Variants in TPO observed in about 807,000 individuals in gnomAD.
TPO encodes thyroid peroxidase, also known as thyroid microsomal antigen.
TPO carries 78 observed loss-of-function variants against 96.9 expected under a neutral mutation model. That is an observed-to-expected ratio of 0.81 (90% confidence interval 0.67 to 0.97). The LOEUF (loss-of-function observed/expected upper bound fraction) is 0.97, where lower values mean the gene tolerates loss of function less well. TPO is among the 50% of genes least tolerant of loss of function. The pLI, the probability that TPO is intolerant of heterozygous loss-of-function variation, is 0.00. For missense variants in TPO, 1,252 were observed against 1,274.8 expected (o/e 0.98, Z 0.27); for synonymous variants, 547 against 538.0 (o/e 1.02, Z -0.23).
At chr2:1,389,286 G>T (rs1314920730) in intron 1 of TPO, among the ~76,000 whole-genome samples, 1 of 152,178 alleles carries the variant, frequency 6.6e-6, no homozygotes. Flanking sequence ...GCCAAGTCTA[G>T]TGAGATCTGG....
At chr2:1,391,109 C>A (rs969698582) in intron 1 of TPO, among the ~76,000 whole-genome samples, 2 of 152,184 alleles carry the variant, frequency 1.3e-5, no homozygotes, top group African/African-American at 4.8e-5. Flanking sequence ...CTTGCCCATG[C>A]CTATGTCCTG....
rs114460861 is a variant in TPO at position 1,460,905 on chromosome 2, C to T, written c.819+4623C>T. Among the ~76,000 whole-genome samples, 1,001 of 152,130 alleles carry T rather than the reference C, an allele frequency of 6.6e-3. 10 individuals are homozygous for T. The highest frequency in any genetic ancestry group is 0.023 in the African/African-American group (948 of 41,474). The stretch of plus-strand genomic sequence containing the variant: ...GAGCTGCACTGAGAGAATCACTGTG[C>T]GTGGGGGCTCCACCTTTGGGGATCT... On this transcript the variant is annotated intron_variant, in intron 7 of 16. Coordinates refer to ENST00000329066, the MANE Select transcript of TPO (RefSeq NM_001206744.2).
intron 13 of TPO, among the ~76,000 whole-genome samples, chr2:1,502,754 G>C (rs1673002780): frequency 6.6e-6 from 1 of 152,230 alleles, no homozygotes; most frequent in Admixed American, 6.5e-5. Flanking sequence ...GTACTGTTTA[G>C]AAAGCCTGAG....
At chr2:1,518,562 G>A (rs760284974) in intron 15 of TPO, among the ~76,000 whole-genome samples, 5 of 152,214 alleles carry the variant, frequency 3.3e-5, no homozygotes, top group Admixed American at 1.3e-4. Flanking sequence ...AACTGCTGTG[G>A]TTGACCCAGA....
At chr2:1,500,014 A>G (rs903997630) in intron 13 of TPO, among the ~76,000 whole-genome samples, 2 of 152,272 alleles carry the variant, frequency 1.3e-5, no homozygotes, top group East Asian at 3.8e-4. Context: ...AGCCACACCC[A>G]GAACAATTAC....
chr2:1,477,092 G>T lies in TPO; in HGVS notation c.826G>T (p.Glu276Ter). Residue 276 changes from glutamate (E) to a stop codon, truncating the protein, a stop_gained, in exon 8 of 17, where the codon GAG becomes TAG. Transcript: ENST00000329066. LOFTEE classifies it high-confidence loss of function. ...QNPCFPIQLP[E>*]EARPAAGTAC... ...AACTCCCCTTTGCCTGCAGCTCCCG[G>T]AGGAGGCCCGGCCGGCCGCGGGCAC... 6.2e-7 allele frequency: 1 copy of T among 1,604,208 alleles called. No homozygotes were observed.
chr2:1,493,889 C>T lies in TPO; in HGVS notation c.1856C>T (p.Ala619Val), dbSNP rs1288577882. Residue 619 changes from alanine to valine, a missense_variant, in exon 11 of 17, where the codon GCC becomes GTC. Ala to Val is a moderately conservative substitution (Grantham distance 64). Transcript: ENST00000329066. ...LSTAIASRSV[A>V]DKILDLYKHP... ...ACAGCCATCGCCAGCAGGAGCGTGG[C>T]CGACAAGATCCTGGACTTGTACAAG... 1 of 1,614,182 alleles carries T rather than the reference C, an allele frequency of 6.2e-7. No individual in the cohort carries two copies. Among genetic ancestry groups the T allele is most frequent in the Non-Finnish European group, 8.5e-7 (1 of 1,180,034 alleles).
At chr2:1,389,683 G>A (rs1303353767) in intron 1 of TPO, among the ~76,000 whole-genome samples, 3 of 152,074 alleles carry the variant, frequency 2.0e-5, no homozygotes, top group Non-Finnish European at 4.4e-5. Flanking sequence ...AGCCACTCCT[G>A]CCACTGATAA....
chr2:1,377,397 A>T (rs1256318878), intron 1 of TPO, among the ~76,000 whole-genome samples: 1 of 152,202 alleles, frequency 6.6e-6, no homozygotes, highest in African/African-American at 2.4e-5. Context: ...AGGCATTTTC[A>T]AAAGTTAGCC....
intron 13 of TPO, 150 bp downstream of exon 13, chr2:1,496,915 C>T: frequency 8.2e-7 from 1 of 1,222,424 alleles, no homozygotes; most frequent in Non-Finnish European, 1.2e-6. Context: ...AGCAAGGGCT[C>T]TCCCCTTGGC....
At chr2:1,390,403 GT>G (rs1661982324) in intron 1 of TPO, among the ~76,000 whole-genome samples, 1 of 151,908 alleles carries the variant, frequency 6.6e-6, no homozygotes, top group Admixed American at 6.6e-5. Flanking sequence ...ACATTTTCTT[GT>G]GGCAGAATTG....
chr2:1,455,496 C>T (rs1444408413), intron 6 of TPO, among the ~76,000 whole-genome samples: 1 of 152,192 alleles, frequency 6.6e-6, no homozygotes, highest in Non-Finnish European at 1.5e-5. Context: ...GGACAAAATT[C>T]CTCTCCATCT....
At position 1,496,133 on chromosome 2, in the gene TPO, C is replaced by G. The variant is rs775227003; in HGVS notation, c.2151C>G (p.Asp717Glu). 4 of 1,614,144 alleles carry G rather than the reference C, an allele frequency of 2.5e-6. No individual in the cohort carries two copies. In the Admixed American group the frequency reaches 6.7e-5, roughly 27 times the overall value. The change falls in exon 12 of 17, where the codon GAC becomes GAG. Residue 717 changes from aspartate (D) to glutamate (E), a missense_variant. Coordinates refer to ENST00000329066, the MANE Select transcript of TPO (RefSeq NM_001206744.2). ...TCCAAGTCGGCAAATTCCCCGAAGA[C>G]TTTGAGTCTTGTGACAGCATCACTG... The part of the protein sequence containing the change: ...DAFQVGKFPE[D>E]FESCDSITGM...
At chr2:1,539,962 T>C (rs940055224) in intron 15 of TPO, among the ~76,000 whole-genome samples, 6 of 152,146 alleles carry the variant, frequency 3.9e-5, no homozygotes, top group African/African-American at 1.4e-4. Flanking sequence ...GGAAAAGCTG[T>C]TTTGTACTTA....
intron 14 of TPO, among the ~76,000 whole-genome samples, chr2:1,507,641 A>T (rs1363612257): frequency 6.6e-6 from 1 of 151,586 alleles, no homozygotes; most frequent in Non-Finnish European, 1.5e-5. Flanking sequence ...ATTCTCTTTG[A>T]AGCAATTGTG....
intron 15 of TPO, among the ~76,000 whole-genome samples, chr2:1,524,462 C>A (rs1215416037): frequency 8.8e-6 from 1 of 113,988 alleles, no homozygotes; most frequent in Non-Finnish European, 1.8e-5. Context: ...TGCAACCCCC[C>A]AAATCCCACC....
chr2:1,519,931 G>A (rs1675078491), intron 15 of TPO, among the ~76,000 whole-genome samples: 1 of 152,144 alleles, frequency 6.6e-6, no homozygotes, highest in Non-Finnish European at 1.5e-5. Flanking sequence ...ACTTGGGAGA[G>A]AAATATTTGG....
chr2:1,448,477 A>T (rs1667024335), intron 5 of TPO, among the ~76,000 whole-genome samples: 1 of 152,104 alleles, frequency 6.6e-6, no homozygotes, highest in South Asian at 2.1e-4. Context: ...ATGTGGGAAG[A>T]ACACCCACCT....
At chr2:1,512,981 G>C (rs566198184) in intron 14 of TPO, among the ~76,000 whole-genome samples, 1 of 152,198 alleles carries the variant, frequency 6.6e-6, no homozygotes, top group Non-Finnish European at 1.5e-5. Context: ...GTTGTTGCAC[G>C]GAGGCCACAC....
Sources: gnomAD v4.1 joint callset for allele counts (sites outside exome capture counted in the v4.1 genomes callset) on GRCh38, gnomAD v4.1.1 for gene constraint, MANE v1.5 for transcripts, NCBI Gene and HGNC (gene_info 2026-07-23, HGNC 2026-07-21) for gene names.